GPBP1: variants seen among roughly 807,000 people sequenced by gnomAD.
GPBP1 encodes vasculin.
GPBP1 carries 13 observed loss-of-function variants against 56.5 expected under a neutral mutation model. That is an observed-to-expected ratio of 0.23 (90% CI 0.15 to 0.37). GPBP1 has a LOEUF of 0.37. Among genes scored for constraint, GPBP1 ranks in the 10% least tolerant of loss-of-function variants. GPBP1 has a pLI of 1.00. For synonymous variants in GPBP1, 204 were observed against 188.9 expected, an observed-to-expected ratio of 1.08 and a Z score of -0.66; for missense variants, 477 against 572.3, an observed-to-expected ratio of 0.83 and a Z score of 1.70.
rs753057885 is a variant in GPBP1, at chr5:57,246,310, G to A, written c.489G>A (p.Pro163=). 63 of 1,611,274 alleles carry A rather than the reference G, an allele frequency of 3.9e-5. No homozygotes were observed. Among genetic ancestry groups the A allele is most frequent in the Non-Finnish European group, 5.2e-5 (61 of 1,178,598 alleles). Residue 163 remains proline (P), a synonymous_variant, in exon 7 of 12, where the codon CCG becomes CCA. Transcript: ENST00000506184. ...GCTTTATTTATGCAGAATATCCTCC[G>A]AATCCTAAATCTAGAGCTCCAAGGA... ...SLAAGVWEYP[P]NPKSRAPRML...
intron 2 of GPBP1, among the ~76,000 whole-genome samples, chr5:57,199,645 T>A (rs910719148): frequency 6.6e-6 from 1 of 152,162 alleles, no homozygotes; most frequent in African/African-American, 2.4e-5. Context: ...GCTGCACCCA[T>A]TAACTCGTCA....
At chr5:57,245,672 T>C (rs1410056093) in intron 6 of GPBP1, 6 of 152,226 alleles carry the variant, frequency 3.9e-5, no homozygotes, top group African/African-American at 1.4e-4. Flanking sequence ...AAAGTCTGCC[T>C]TTAGCAATTA....
At chr5:57,208,698 C>CAAGG (rs1309984396) in intron 2 of GPBP1, among the ~76,000 whole-genome samples, 2 of 143,752 alleles carry the variant, frequency 1.4e-5, no homozygotes, top group Non-Finnish European at 3.0e-5. Flanking sequence ...ACCCCGTCGT[C>CAAGG]CAGGCTGGAG....
chr5:57,175,415 C>G, intron 1 of GPBP1, 33 bp from the exon 2 acceptor site: 1 of 398,272 alleles, frequency 2.5e-6, no homozygotes. Flanking sequence ...AAAATCAAAA[C>G]TCAGTATATA....
At chr5:57,258,463 A>G (rs916164098) in intron 10 of GPBP1, among the ~76,000 whole-genome samples, 7 of 152,214 alleles carry the variant, frequency 4.6e-5, no homozygotes, top group Non-Finnish European at 1.0e-4. Context: ...TGTAATCATA[A>G]TACAGTGGTA....
intron 1 of GPBP1, among the ~76,000 whole-genome samples, chr5:57,175,018 C>G (rs974573746): frequency 3.3e-5 from 5 of 152,222 alleles, no homozygotes; most frequent in Admixed American, 6.5e-5. Context: ...TTACACTTAT[C>G]TCTGAGTTAC....
intron 8 of GPBP1, 94 bp from the exon 9 acceptor site, chr5:57,249,314 TA>T: frequency 1.1e-6 from 1 of 919,506 alleles, no homozygotes; most frequent in Non-Finnish European, 1.6e-6. Context: ...ATTTTGTGAG[TA>T]AAGGTAAAAT....
chr5:57,188,085 A>C (rs1754368417), intron 2 of GPBP1, among the ~76,000 whole-genome samples: 1 of 151,938 alleles, frequency 6.6e-6, no homozygotes, highest in African/African-American at 2.4e-5. Context: ...TCTACCAAAA[A>C]ATACAAAAAT....
At chr5:57,219,428 A>AC (rs1286561177) in intron 3 of GPBP1, among the ~76,000 whole-genome samples, 13 of 149,104 alleles carry the variant, frequency 8.7e-5, no homozygotes, top group Middle Eastern at 3.4e-3. Flanking sequence ...ACAAAAAAAA[A>AC]AACAACAAAA....
rs111671699 is a variant in GPBP1 at position 57,180,844 on chromosome 5, C to T, written c.-58+4444C>T. On this transcript the variant is annotated intron_variant, in intron 2 of 11. Transcript: ENST00000506184. Reference sequence around the variant, plus strand: ...GCAACCTCCGCCTCCCAGGTCCAAGCGATTTTCCTGCCTCAGCCTCTCAAG... The same window carrying T: ...GCAACCTCCGCCTCCCAGGTCCAAGTGATTTTCCTGCCTCAGCCTCTCAAG... 4.7e-3 allele frequency among the ~76,000 whole-genome samples: 721 copies of T among 152,108 alleles called. 2 individuals carry two copies. Among genetic ancestry groups the T allele is most frequent in the African/African-American group, 0.017 (689 of 41,508 alleles).
intron 6 of GPBP1, 76 bp from the exon 7 acceptor site, chr5:57,246,224 C>T (rs1580069919): frequency 1.7e-6 from 2 of 1,158,736 alleles, no homozygotes; most frequent in East Asian, 2.4e-5. Flanking sequence ...TTGGAATATA[C>T]TGTTCTTTTG....
chr5:57,202,743 T>A (rs757028652), intron 2 of GPBP1, among the ~76,000 whole-genome samples: 3 of 152,230 alleles, frequency 2.0e-5, no homozygotes, highest in Non-Finnish European at 4.4e-5. Context: ...GCTATTAGAT[T>A]GTAAGCTGTT....
At chr5:57,174,244 C>A (rs544620723) in intron 1 of GPBP1, 33 bp downstream of exon 1, 1 of 152,454 alleles carries the variant, frequency 6.6e-6, no homozygotes, top group African/African-American at 2.4e-5. Flanking sequence ...ACGCCCGAGC[C>A]CGGGGGAGGA....
intron 6 of GPBP1, chr5:57,237,034 T>A: frequency 1.3e-6 from 1 of 750,244 alleles, no homozygotes; most frequent in Non-Finnish European, 2.1e-6. Flanking sequence ...GTGGGGGTGG[T>A]CAGACACTTT....
chr5:57,187,307 A>G (rs1276997835), intron 2 of GPBP1, among the ~76,000 whole-genome samples: 1 of 152,200 alleles, frequency 6.6e-6, no homozygotes, highest in Non-Finnish European at 1.5e-5. Flanking sequence ...TACTTAGAAA[A>G]TGACAACATT....
chr5:57,217,670 C>T (rs1755757985), intron 3 of GPBP1, among the ~76,000 whole-genome samples: 1 of 151,992 alleles, frequency 6.6e-6, no homozygotes, highest in Non-Finnish European at 1.5e-5. Flanking sequence ...TGAGACAATG[C>T]GAATGCAAAG....
intron 3 of GPBP1, among the ~76,000 whole-genome samples, chr5:57,216,708 C>T (rs1755713299): frequency 1.3e-5 from 2 of 152,122 alleles, no homozygotes; most frequent in East Asian, 3.9e-4. Context: ...AAACAAAAAA[C>T]ACTAAAAGTC....
At chr5:57,175,341 T>C in intron 1 of GPBP1, 107 bp from the exon 2 acceptor site, 1 of 387,460 alleles carries the variant, frequency 2.6e-6, no homozygotes. Flanking sequence ...CCTGTAGGGT[T>C]ATATAGAAGT....
At chr5:57,230,605 T>C (rs899342218) in intron 3 of GPBP1, 1 of 461,214 alleles carries the variant, frequency 2.2e-6, no homozygotes. Context: ...TACCTTTATA[T>C]TTTTTGGAAA....
Sources: allele counts gnomAD v4.1 joint callset (sites outside exome capture counted in the v4.1 genomes callset), GRCh38; gene constraint gnomAD v4.1.1; transcripts MANE v1.5; gene names NCBI Gene and HGNC (gene_info 2026-07-23, HGNC 2026-07-21).